PCDHGA9: variants seen among roughly 807,000 people sequenced by gnomAD.
PCDHGA9 encodes protocadherin gamma subfamily A, 9.
A neutral mutation model predicts 62.5 loss-of-function variants in PCDHGA9; 37 were observed. The observed-to-expected ratio is 0.59, with a 90% confidence interval of 0.46 to 0.78. The LOEUF (loss-of-function observed/expected upper bound fraction) is 0.78. Among genes scored for constraint, PCDHGA9 ranks in the 30% least tolerant of loss-of-function variants. The pLI is 0.00. For synonymous variants in PCDHGA9, 459 were observed against 484.6 expected, an observed-to-expected ratio of 0.95 and a Z score of 0.69; for missense variants, 1,138 against 1,166.2, an observed-to-expected ratio of 0.98 and a Z score of 0.35.
chr5:141,482,885 A>G (rs1353686606), intron 1 of PCDHGA9, among the ~76,000 whole-genome samples: 2 of 152,202 alleles, frequency 1.3e-5, no homozygotes. Flanking sequence ...CAGCCTGGCC[A>G]ACATGGTGAA....
At chr5:141,435,112 T>A (rs906494104) in intron 1 of PCDHGA9, among the ~76,000 whole-genome samples, 1 of 152,102 alleles carries the variant, frequency 6.6e-6, no homozygotes, top group Non-Finnish European at 1.5e-5. Context: ...GGGGGAGAAA[T>A]CTAATTCAAT....
chr5:141,477,287 G>T lies in PCDHGA9; in HGVS notation c.2425-17520G>T. ...CGAGAACGGGCTGGTGACCTGCGAA[G>T]TTCCACCGGGTCTCCCTTTCAGCCT... On this transcript the variant is annotated intron_variant, in intron 1 of 3. Coordinates refer to ENST00000573521, the MANE Select transcript of PCDHGA9 (RefSeq NM_018921.3). The surrounding 1 kb of genome is among the most constrained non-coding windows in gnomAD (Gnocchi z 4.9). The T allele has an allele frequency of 6.2e-7, 1 of 1,614,190 alleles. No homozygotes were observed.
At chr5:141,424,956 T>A (rs1435882776) in intron 1 of PCDHGA9, among the ~76,000 whole-genome samples, 1 of 152,176 alleles carries the variant, frequency 6.6e-6, no homozygotes, top group African/African-American at 2.4e-5. Context: ...TTCTAGGTAT[T>A]TGCCCCAAAT....
rs1457243337 is a variant in PCDHGA9 at position 141,493,567 on chromosome 5, C to T, written c.2425-1240C>T. Reference sequence around the variant, plus strand: ...TTTGGAGATTGAGTTCCCCCAGCTCCGTTTCCTCCTATCACAATCACTGCA... The same window carrying T: ...TTTGGAGATTGAGTTCCCCCAGCTCTGTTTCCTCCTATCACAATCACTGCA... On this transcript the variant is annotated intron_variant, in intron 1 of 3. Transcript: ENST00000573521. This position sits in a 1 kb window ranked among gnomAD's most constrained non-coding sequence, Gnocchi z 4.3. Among the ~76,000 whole-genome samples, 3 of 152,266 alleles carry T rather than the reference C, an allele frequency of 2.0e-5. No individual in the cohort carries two copies. The highest frequency in any genetic ancestry group is 4.4e-5 in the Non-Finnish European group (3 of 68,018).
chr5:141,410,797 CTCTA>C (rs375585060), intron 1 of PCDHGA9: 18 of 676,000 alleles, frequency 2.7e-5, no homozygotes, highest in Middle Eastern at 9.7e-4. Context: ...TCATAAGTTG[CTCTA>C]TCTTTTTGTA....
At chr5:141,450,006 C>CTTT (rs1554136305) in intron 1 of PCDHGA9, among the ~76,000 whole-genome samples, 1 of 132,986 alleles carries the variant, frequency 7.5e-6, no homozygotes, top group Non-Finnish European at 1.6e-5. Context: ...TGCCATGTCT[C>CTTT]TTTTTTTTTT....
rs535194185 is a variant in PCDHGA9, at chr5:141,485,480, A to C, written c.2425-9327A>C. 6.2e-7 allele frequency: 1 copy of C among 1,614,154 alleles called. No individual in the cohort carries two copies. The highest frequency in any genetic ancestry group is 1.7e-5 in the Admixed American group (1 of 60,020). On this transcript the variant is annotated intron_variant, in intron 1 of 3. Coordinates refer to ENST00000573521, the MANE Select transcript of PCDHGA9 (RefSeq NM_018921.3). This position sits in a 1 kb window ranked among gnomAD's most constrained non-coding sequence, Gnocchi z 5.7. The stretch of plus-strand genomic sequence containing the variant: ...ACTGTGTGGGCTCAGTGCCAGCTGC[A>C]TCGTGCCCCTGGAGTTTGTCACCGA...
At chr5:141,478,239 C>G in intron 1 of PCDHGA9, 1 of 1,614,132 alleles carries the variant, frequency 6.2e-7, no homozygotes. Flanking sequence ...TTTGTGGTCA[C>G]AGTGTTCGGA....
chr5:141,405,400 T>C (rs986034251), intron 1 of PCDHGA9, 24 bp downstream of exon 1: 3 of 1,590,732 alleles, frequency 1.9e-6, no homozygotes, highest in Non-Finnish European at 2.6e-6. Flanking sequence ...TTTTCTTTCT[T>C]TCTTTTCTTT....
chr5:141,492,942 G>A (rs897160295), intron 1 of PCDHGA9, among the ~76,000 whole-genome samples: 3 of 152,220 alleles, frequency 2.0e-5, no homozygotes, highest in African/African-American at 7.2e-5. Context: ...GAGATTTGGA[G>A]GTGACCAAAC....
chr5:141,455,860 A>ATTATTTATTTAT (rs145569377), intron 1 of PCDHGA9, among the ~76,000 whole-genome samples: 9 of 139,836 alleles, frequency 6.4e-5, no homozygotes, highest in African/African-American at 7.9e-5. Context: ...AATTTCTTTT[A>ATTATTTATTTAT]TTATTTATTT....
In PCDHGA9 at chr5:141,511,131, C is replaced by T; in HGVS notation, c.2757C>T (p.Gly919=). ...GGGATGGCAAGGCCCCAGCAGGTGG[C>T]AATGGCAACAAGAAGAAGTCGGGCA... is the stretch of plus-strand genomic sequence containing the variant. ...GKRDGKAPAG[G]NGNKKKSGKK... is the part of the protein sequence containing the mutation. The change falls in exon 4 of 4, where the codon GGC becomes GGT. Residue 919 remains glycine (G), a synonymous_variant. Coordinates refer to ENST00000573521, the MANE Select transcript of PCDHGA9 (RefSeq NM_018921.3). 2 of 1,614,202 alleles carry T rather than the reference C, an allele frequency of 1.2e-6. No homozygotes were observed. Among genetic ancestry groups the T allele is most frequent in the Non-Finnish European group, 1.7e-6 (2 of 1,180,020 alleles).
At chr5:141,413,148 C>G (rs370253778) in intron 1 of PCDHGA9, 10 of 1,570,530 alleles carry the variant, frequency 6.4e-6, no homozygotes, top group Middle Eastern at 1.7e-4. Flanking sequence ...CCAGTGAGGA[C>G]TTTGCAGAAT....
intron 1 of PCDHGA9, chr5:141,417,651 A>C: frequency 1.2e-6 from 1 of 822,038 alleles, no homozygotes; most frequent in African/African-American, 1.7e-5. Context: ...CTCAGCCTCT[A>C]GCCTGGGATT....
intron 1 of PCDHGA9, chr5:141,415,857 T>G (rs1271614762): frequency 1.7e-6 from 2 of 1,194,900 alleles, no homozygotes; most frequent in Non-Finnish European, 2.2e-6. Flanking sequence ...AACCTTGTAG[T>G]TTATAGTGTT....
intron 1 of PCDHGA9, chr5:141,423,752 G>T: frequency 6.2e-6 from 4 of 644,948 alleles, no homozygotes; most frequent in Non-Finnish European, 7.8e-6. Context: ...AAACTGTTTG[G>T]GGGGGGGGTG....
intron 1 of PCDHGA9, among the ~76,000 whole-genome samples, chr5:141,482,141 A>C (rs1302783884): frequency 6.6e-6 from 1 of 152,116 alleles, no homozygotes; most frequent in African/African-American, 2.4e-5. Flanking sequence ...GCTGGCATAA[A>C]AAGGTCAAGT....
At chr5:141,495,852 TCTCA>T (rs1473070626) in intron 2 of PCDHGA9, among the ~76,000 whole-genome samples, 1 of 152,174 alleles carries the variant, frequency 6.6e-6, no homozygotes, top group Non-Finnish European at 1.5e-5. Flanking sequence ...TTTCTCTGTC[TCTCA>T]CTATTTCTGC....
At chr5:141,415,258 C>G (rs1228702476) in intron 1 of PCDHGA9, 1 of 1,614,214 alleles carries the variant, frequency 6.2e-7, no homozygotes, top group Non-Finnish European at 8.5e-7. Context: ...AGACCTCACT[C>G]TGTACCTGGT....
Sources: gnomAD v4.1 joint callset for allele counts (sites outside exome capture counted in the v4.1 genomes callset) on GRCh38, gnomAD v4.1.1 for gene constraint, Gnocchi (gnomAD v3.1) non-coding constraint, MANE v1.5 for transcripts, NCBI Gene and HGNC (gene_info 2026-07-23, HGNC 2026-07-21) for gene names.